Variants in TNRC18 observed in about 807,000 individuals in gnomAD.
TNRC18 encodes trinucleotide repeat containing 18, also known as trinucleotide repeat-containing gene 18 protein.
A neutral mutation model predicts 226.7 loss-of-function variants in TNRC18; 69 were observed. The ratio of observed to expected loss-of-function variants is 0.30; its 90% CI spans 0.25 to 0.37. The LOEUF (loss-of-function observed/expected upper bound fraction) is 0.37. Among genes scored for constraint, TNRC18 ranks in the 10% least tolerant of loss-of-function variants. TNRC18 has a pLI of 1.00. For synonymous variants in TNRC18, 2,449 were observed against 1,927.6 expected (o/e 1.27, Z -7.09); for missense variants, 4,754 against 4,256.6 (o/e 1.12, Z -3.25).
chr7:5,359,362 A>G, intron 15 of TNRC18, 36 bp downstream of exon 15: 2 of 1,611,872 alleles, frequency 1.2e-6, no homozygotes, highest in Non-Finnish European at 1.7e-6. Flanking sequence ...CACCTCCCTG[A>G]AAGATCTCAC....
At chr7:5,327,960 G>A (rs559178637) in intron 19 of TNRC18, among the ~76,000 whole-genome samples, 14 of 152,134 alleles carry the variant, frequency 9.2e-5, no homozygotes, top group Admixed American at 5.2e-4. Context: ...GGTGGCTCAC[G>A]CCTGTAATCC....
intron 2 of TNRC18, among the ~76,000 whole-genome samples, chr7:5,415,369 C>CTT (rs368389351): frequency 0.016 from 1,302 of 83,072 alleles, 1 homozygote; most frequent in Non-Finnish European, 0.02. Flanking sequence ...CTGTGTCCCT[C>CTT]TTTTTTTTTT....
intron 11 of TNRC18, among the ~76,000 whole-genome samples, chr7:5,364,091 A>C (rs1024133564): frequency 3.3e-5 from 5 of 152,202 alleles, no homozygotes; most frequent in Non-Finnish European, 7.3e-5. Context: ...TGAGGTGAGC[A>C]GTTTTGAGAC....
At position 5,369,505 on chromosome 7, in the gene TNRC18, C is replaced by A. The variant is rs367558655; in HGVS notation, c.4219+870G>T. Among the ~76,000 whole-genome samples the A allele has an allele frequency of 1.3e-4, 20 of 152,270 alleles. No homozygotes were observed. In the East Asian group the frequency reaches 2.3e-3, roughly 18 times the overall value. ...TGGGAGGAACTGACAGACCACCCCC[C>A]ACCCCAGTGAGGACAGTAAGTCGGC... On this transcript the variant is annotated intron_variant, in intron 11 of 29. Transcript: ENST00000430969.
At chr7:5,409,450 C>T (rs913883927) in intron 2 of TNRC18, among the ~76,000 whole-genome samples, 4 of 151,774 alleles carry the variant, frequency 2.6e-5, no homozygotes, top group Admixed American at 1.3e-4. Context: ...ACTAGCCAGG[C>T]GTGGTGGCGC....
intron 24 of TNRC18, among the ~76,000 whole-genome samples, chr7:5,317,186 G>A (rs1223186240): frequency 6.6e-6 from 1 of 152,042 alleles, no homozygotes; most frequent in Admixed American, 6.6e-5. Context: ...GGCTTGATAA[G>A]GTTCCCTTCA....
intron 2 of TNRC18, among the ~76,000 whole-genome samples, chr7:5,415,195 G>C (rs1453883606): frequency 6.6e-6 from 1 of 151,952 alleles, no homozygotes; most frequent in African/African-American, 2.4e-5. Flanking sequence ...GATACGCCAG[G>C]CTCTGACTTT....
At chr7:5,314,609 G>C (rs1372931200) in intron 26 of TNRC18, among the ~76,000 whole-genome samples, 2 of 109,406 alleles carry the variant, frequency 1.8e-5, no homozygotes, top group African/African-American at 7.2e-5. Context: ...TTTCGCTCTT[G>C]TCGCCCAGGC....
chr7:5,404,666 G>A (rs780027725), intron 2 of TNRC18, among the ~76,000 whole-genome samples: 138 of 152,022 alleles, frequency 9.1e-4, no homozygotes, highest in Non-Finnish European at 1.7e-3. Context: ...CAAGGAAACA[G>A]GCAGACCTAC....
intron 2 of TNRC18, among the ~76,000 whole-genome samples, chr7:5,415,203 T>C (rs1177058867): frequency 1.3e-5 from 2 of 151,844 alleles, no homozygotes. Flanking sequence ...AGGCTCTGAC[T>C]TTTGTGTTCC....
Position 5,390,516 on chromosome 7 carries a change from G to T in TNRC18, c.456C>A (p.Phe152Leu), listed in dbSNP as rs746941029. The change falls in exon 4 of 30, where the codon TTC (phenylalanine) becomes TTA (leucine). Residue 152 changes from phenylalanine to leucine, a missense_variant. Physicochemically the swap from Phe to Leu is conservative, Grantham distance 22 (BLOSUM62 0). Transcript: ENST00000430969. ...CTGGCCCCTGACCTTTCTGGGTATCGAAAATGCTGGGCTGACCCAGCTGGC... is the reference window on the plus strand; with the variant it reads ...CTGGCCCCTGACCTTTCTGGGTATCTAAAATGCTGGGCTGACCCAGCTGGC... Reference protein sequence around the residue: ...LLSQLGQPSIFDTQKGQGPGG... With the variant: ...LLSQLGQPSILDTQKGQGPGG... The T allele has an allele frequency of 6.2e-7, 1 of 1,613,644 alleles. No homozygotes were observed.
intron 2 of TNRC18, among the ~76,000 whole-genome samples, chr7:5,417,869 C>T (rs1035515591): frequency 1.9e-4 from 29 of 152,174 alleles, no homozygotes; most frequent in Admixed American, 9.2e-4. Context: ...CTAAATCAAT[C>T]CCAGTAGGCT....
chr7:5,325,404 G>T (rs10240159), intron 19 of TNRC18, 156 bp from the exon 20 acceptor site: 4 of 774,068 alleles, frequency 5.2e-6, no homozygotes, highest in Non-Finnish European at 5.8e-6. Flanking sequence ...TCCTGCAAGC[G>T]TTTTTGGTTT....
At chr7:5,375,672 G>A (rs983669765) in intron 9 of TNRC18, among the ~76,000 whole-genome samples, 4 of 152,142 alleles carry the variant, frequency 2.6e-5, no homozygotes, top group Non-Finnish European at 4.4e-5. Flanking sequence ...GCCACCTGGA[G>A]AGAAGAGGCC....
intron 24 of TNRC18, among the ~76,000 whole-genome samples, chr7:5,318,025 C>T (rs765836433): frequency 4.5e-4 from 68 of 152,098 alleles, no homozygotes; most frequent in Non-Finnish European, 7.1e-4. Context: ...GCACCCGCCA[C>T]CACGCCCAGC....
At chr7:5,400,732 C>A (rs1219343017) in intron 2 of TNRC18, among the ~76,000 whole-genome samples, 2 of 152,120 alleles carry the variant, frequency 1.3e-5, no homozygotes, top group African/African-American at 2.4e-5. Context: ...GTGAATTTCA[C>A]CTCCATGAAA....
chr7:5,346,449 T>C (rs898756696), intron 17 of TNRC18, among the ~76,000 whole-genome samples: 6 of 151,946 alleles, frequency 3.9e-5, no homozygotes, highest in Admixed American at 1.3e-4. Context: ...TGAGCTGAGA[T>C]CGCATCACTG....
In TNRC18 at chr7:5,312,983, G is replaced by C; in HGVS notation, c.7908C>G (p.Ser2636=). ...SSSSSSSSSS[S]SSSSSSSSSS... Reference sequence around the variant, plus strand: ...AAGAGGAAGAGGAGGAGGAGGAAGAGGAGGAGGAGGAAGAGGAGGATGAGG... The same window carrying C: ...AAGAGGAAGAGGAGGAGGAGGAAGACGAGGAGGAGGAAGAGGAGGATGAGG... Residue 2636 remains serine, a synonymous_variant, in exon 27 of 30, where the codon TCC becomes TCG. Transcript: ENST00000430969. The surrounding 1 kb of genome is among the most constrained non-coding windows in gnomAD (Gnocchi z 6.3). 1 of 1,037,338 alleles carries C rather than the reference G, an allele frequency of 9.6e-7. No individual in the cohort carries two copies. The highest frequency in any genetic ancestry group is 1.5e-5 in the South Asian group (1 of 66,000). The allele number at this position is 1,037,338 out of a possible 1,614,324, so 64.3% of individuals were successfully genotyped here.
intron 2 of TNRC18, among the ~76,000 whole-genome samples, chr7:5,414,507 G>C (rs1417598000): frequency 1.3e-5 from 2 of 151,800 alleles, no homozygotes; most frequent in African/African-American, 2.4e-5. Flanking sequence ...CCGCCTCCCA[G>C]GTTCACGCCA....
Sources: allele counts gnomAD v4.1 joint callset (sites outside exome capture counted in the v4.1 genomes callset), GRCh38; gene constraint gnomAD v4.1.1; non-coding constraint Gnocchi (gnomAD v3.1); transcripts MANE v1.5; gene names NCBI Gene and HGNC (gene_info 2026-07-23, HGNC 2026-07-21).